CSMD1: variants seen among roughly 807,000 people sequenced by gnomAD.
CSMD1 encodes the protein CUB and Sushi multiple domains 1, also known as CUB and sushi domain-containing protein 1.
Under a neutral mutation model 417.5 loss-of-function variants are expected in CSMD1, and 213 were observed. The ratio of observed to expected loss-of-function variants is 0.51; its 90% CI spans 0.46 to 0.57. The LOEUF is 0.57. CSMD1 is among the 20% of genes least tolerant of loss of function. The probability of loss-of-function intolerance (pLI) is 0.00; values close to 1 mark genes in which losing one functional copy is unlikely to be tolerated. For synonymous variants in CSMD1, 2,862 were observed against 1,736.8 expected, an observed-to-expected ratio of 1.65 and a Z score of -16.11; for missense variants, 6,923 against 4,529.7, an observed-to-expected ratio of 1.53 and a Z score of -15.17.
intron 69 of CSMD1, among the ~76,000 whole-genome samples, chr8:2,940,999 T>C (rs377397116): frequency 2.0e-5 from 3 of 152,252 alleles, no homozygotes; most frequent in Non-Finnish European, 2.9e-5. Context: ...TGGCATCTTA[T>C]TGGAGAAGGT....
intron 3 of CSMD1, among the ~76,000 whole-genome samples, chr8:4,377,345 C>A (rs955180717): frequency 6.6e-6 from 1 of 152,140 alleles, no homozygotes; most frequent in Non-Finnish European, 1.5e-5. Flanking sequence ...TTAGAGCTTA[C>A]TAATTTGGCT....
chr8:3,548,786 A>T (rs1798786854), intron 10 of CSMD1, among the ~76,000 whole-genome samples: 1 of 151,722 alleles, frequency 6.6e-6, no homozygotes. Flanking sequence ...TTCATGCTTA[A>T]CCACCTTCTC....
At chr8:3,813,477 T>G in intron 5 of CSMD1, among the ~76,000 whole-genome samples, 1 of 152,310 alleles carries the variant, frequency 6.6e-6, no homozygotes, top group Non-Finnish European at 1.5e-5. Flanking sequence ...TCGTATCTTT[T>G]GGACTTTTAT....
Position 4,530,267 on chromosome 8 carries a change from G to A in CSMD1, c.302+107075C>T, listed in dbSNP as rs186853472. Among the ~76,000 whole-genome samples the A allele has an allele frequency of 4.8e-4, 68 of 140,418 alleles. No individual in the cohort carries two copies. The South Asian group carries it at 0.015, about 32-fold the overall frequency. 92.1% of individuals were successfully genotyped at this position (140,418 alleles called of 152,430 possible). A position where few individuals can be genotyped will look rare whatever the true frequency, so the allele number is the denominator to read the frequency against. On this transcript the variant is annotated intron_variant, in intron 2 of 69. Transcript: ENST00000635120. Reference sequence around the variant, plus strand: ...GCTCCATTTTGTGTCTTCATCATCCGGATTTAAATAAGCAAATATTGTTCA... The same window carrying A: ...GCTCCATTTTGTGTCTTCATCATCCAGATTTAAATAAGCAAATATTGTTCA...
At chr8:4,447,382 C>T (rs1003330722) in intron 2 of CSMD1, among the ~76,000 whole-genome samples, 1 of 152,160 alleles carries the variant, frequency 6.6e-6, no homozygotes. Context: ...TCCCTTTCAG[C>T]TCCTTGAATG....
chr8:4,728,385 T>C (rs892281249), intron 1 of CSMD1, among the ~76,000 whole-genome samples: 6 of 151,978 alleles, frequency 3.9e-5, no homozygotes, highest in African/African-American at 1.4e-4. Flanking sequence ...AAGGGACGTA[T>C]TTAGGGGAGT....
intron 61 of CSMD1, 60 bp downstream of exon 61, chr8:2,962,406 T>G (rs1803567292): frequency 2.1e-6 from 3 of 1,453,206 alleles, no homozygotes; most frequent in Non-Finnish European, 2.8e-6. Context: ...AATTTCGGAA[T>G]GAAGCGTCCT....
intron 5 of CSMD1, among the ~76,000 whole-genome samples, chr8:3,934,345 G>A (rs552526235): frequency 6.6e-6 from 1 of 152,134 alleles, no homozygotes; most frequent in African/African-American, 2.4e-5. Context: ...CGTACAAAAA[G>A]AGGAGAAAAA....
chr8:4,823,515 T>G (rs1349796960), intron 1 of CSMD1, among the ~76,000 whole-genome samples: 3 of 152,106 alleles, frequency 2.0e-5, no homozygotes, highest in Non-Finnish European at 2.9e-5. Flanking sequence ...ACTTGCAATG[T>G]ACCTCATCTA....
chr8:4,063,383 A>T (rs1203144172), intron 3 of CSMD1, among the ~76,000 whole-genome samples: 1 of 152,214 alleles, frequency 6.6e-6, no homozygotes, highest in Middle Eastern at 3.2e-3. Flanking sequence ...ATATCAGACA[A>T]GTAAACTATA....
chr8:4,358,670 T>G (rs143482722), intron 3 of CSMD1, among the ~76,000 whole-genome samples: 1 of 152,342 alleles, frequency 6.6e-6, no homozygotes, highest in African/African-American at 2.4e-5. Flanking sequence ...AACTTGGTAT[T>G]TTGCATACTT....
intron 3 of CSMD1, among the ~76,000 whole-genome samples, chr8:4,273,586 T>C (rs975140443): frequency 6.6e-6 from 1 of 152,214 alleles, no homozygotes; most frequent in Non-Finnish European, 1.5e-5. Flanking sequence ...ATTTATCATT[T>C]GTCGTTCATT....
chr8:3,793,611 C>T (rs969691953), intron 5 of CSMD1, among the ~76,000 whole-genome samples: 2 of 152,114 alleles, frequency 1.3e-5, no homozygotes, highest in Non-Finnish European at 2.9e-5. Flanking sequence ...AGTAAACCTT[C>T]CCAAATGTCC....
intron 3 of CSMD1, among the ~76,000 whole-genome samples, chr8:4,162,811 T>G (rs1010464910): frequency 1.3e-5 from 2 of 152,158 alleles, no homozygotes; most frequent in African/African-American, 4.8e-5. Context: ...ATGCTATGGG[T>G]GTGGATAAAT....
At chr8:4,147,716 C>G (rs1423006947) in intron 3 of CSMD1, among the ~76,000 whole-genome samples, 1 of 152,110 alleles carries the variant, frequency 6.6e-6, no homozygotes, top group Non-Finnish European at 1.5e-5. Flanking sequence ...GTTTCAGATG[C>G]AGACACTGAA....
At chr8:4,777,823 C>T (rs12676164) in intron 1 of CSMD1, among the ~76,000 whole-genome samples, 23,707 of 152,216 alleles carry the variant, frequency 0.16, 1,943 homozygotes, top group East Asian at 0.31. Context: ...TTTCAGACTT[C>T]ACATCTACAA....
intron 2 of CSMD1, among the ~76,000 whole-genome samples, chr8:4,553,128 C>A (rs1158303305): frequency 1.3e-5 from 2 of 152,218 alleles, no homozygotes; most frequent in Non-Finnish European, 2.9e-5. Context: ...CTATGAGCCC[C>A]GTACCTTGTG....
chr8:3,964,882 T>C (rs920796310), intron 5 of CSMD1, among the ~76,000 whole-genome samples: 40 of 152,342 alleles, frequency 2.6e-4, no homozygotes, highest in African/African-American at 8.9e-4. Context: ...TTGCATATTA[T>C]GCCTACTTTT....
intron 3 of CSMD1, among the ~76,000 whole-genome samples, chr8:4,290,778 A>AT (rs1198507150): frequency 2.6e-5 from 4 of 152,124 alleles, no homozygotes; most frequent in African/African-American, 9.7e-5. Context: ...TGTAAGTCTG[A>AT]TTTTTTGGTA....
Sources: allele counts gnomAD v4.1 joint callset (sites outside exome capture counted in the v4.1 genomes callset), GRCh38; gene constraint gnomAD v4.1.1; transcripts MANE v1.5; gene names NCBI Gene and HGNC (gene_info 2026-07-23, HGNC 2026-07-21).